ADRB3: variants seen among roughly 807,000 people sequenced by gnomAD.
The protein encoded by ADRB3 is beta-3 adrenergic receptor.
ADRB3 carries 33 observed loss-of-function variants against 23.8 expected under a neutral mutation model. The observed-to-expected ratio is 1.38, with a 90% CI of 1.05 to 1.85. The LOEUF (loss-of-function observed/expected upper bound fraction) is 1.85, where lower values mean the gene tolerates loss of function less well. Among genes scored for constraint, ADRB3 ranks in the 40% most tolerant of loss-of-function variants. ADRB3 has a pLI of 0.00. For synonymous variants in ADRB3, 289 were observed against 273.0 expected (o/e 1.06, Z -0.58); for missense variants, 600 against 579.6 (o/e 1.04, Z -0.36).
rs1045034723 is a variant in ADRB3, at chr8:37,965,468, T to C, written c.1002A>G (p.Leu334=). ...PGPAFLALNW[L]GYANSAFNPL... ...GGTTGAAGGCAGAATTGGCATAACC[T>C]AGCCAGTTCAGGGCAAGGAAAGCCG... The change falls in exon 1 of 2, where the codon CTA becomes CTG. Residue 334 remains leucine (L), a synonymous_variant. Transcript: ENST00000345060. 1.3e-6 allele frequency: 2 copies of C among 1,551,836 alleles called. No individual in the cohort carries two copies. Among genetic ancestry groups the C allele is most frequent in the South Asian group, 1.2e-5 (1 of 84,096 alleles).
At position 37,966,349 on chromosome 8, in the gene ADRB3, C is replaced by G. The variant is rs767619305; in HGVS notation, c.121G>C (p.Gly41Arg). 13 of 1,612,286 alleles carry G rather than the reference C, an allele frequency of 8.1e-6. No homozygotes were observed. In the Admixed American group the frequency reaches 2.0e-4, roughly 25 times the overall value. ...PGVPWEAALAGALLALAVLAT... is the reference protein window; with the variant it reads ...PGVPWEAALARALLALAVLAT... ...AGCACCGCCAGCGCCAGCAGGGCCC[C>G]GGCTAGGGCCGCCTCCCACGGAACC... Residue 41 changes from glycine to arginine, a missense_variant, in exon 1 of 2, where the codon GGG becomes CGG. By Grantham distance (125) the Gly-to-Arg change is moderately radical (BLOSUM62 -2). Transcript: ENST00000345060.
chr8:37,966,292 C>A lies in ADRB3; in HGVS notation c.178G>T (p.Val60Leu), dbSNP rs201389673. 4 of 1,613,746 alleles carry A rather than the reference C, an allele frequency of 2.5e-6. No homozygotes were observed. The highest frequency in any genetic ancestry group is 1.1e-5 in the South Asian group (1 of 91,078). The change falls in exon 1 of 2, where the codon GTG becomes TTG. Residue 60 changes from valine to leucine, a missense_variant. By Grantham distance (32) the Val-to-Leu change is conservative. Transcript: ENST00000345060. ...ATVGGNLLVIVAIAWTPRLQT... is the reference protein window; with the variant it reads ...ATVGGNLLVILAIAWTPRLQT... Reference sequence around the variant, plus strand: ...AGTCTCGGAGTCCAGGCGATGGCCACGATGACCAGCAGGTTGCCTCCCACG... The same window carrying A: ...AGTCTCGGAGTCCAGGCGATGGCCAAGATGACCAGCAGGTTGCCTCCCACG...
rs1318451065 is a variant in ADRB3, at chr8:37,965,753, G to C, written c.717C>G (p.Arg239=). 4 of 1,550,734 alleles carry C rather than the reference G, an allele frequency of 2.6e-6. No individual in the cohort carries two copies. The African/African-American group carries it at 5.5e-5, about 21-fold the overall frequency. The change falls in exon 1 of 2, where the codon CGC becomes CGG. Residue 239 remains arginine (R), a synonymous_variant. Coordinates refer to ENST00000345060, the MANE Select transcript of ADRB3 (RefSeq NM_000025.3). ...VVATRQLRLL[R]GELGRFPPEE... ...CGGGCGGAAAGCGGCCCAGCTCCCCGCGCAGCAAGCGCAGCTGGCGCGTAG... is the reference window on the plus strand; with the variant it reads ...CGGGCGGAAAGCGGCCCAGCTCCCCCCGCAGCAAGCGCAGCTGGCGCGTAG...
In ADRB3 at chr8:37,964,179, G is replaced by A. The variant is rs1808253442; in HGVS notation, c.*39C>T. The A allele has an allele frequency of 6.2e-7, 1 of 1,600,436 alleles. No homozygotes were observed. Among genetic ancestry groups the A allele is most frequent in the Non-Finnish European group, 8.6e-7 (1 of 1,167,914 alleles). Reference sequence around the variant, plus strand: ...AACAGAGGCCAGAGGTTTTCCACAGGTTCTGATCAACAGAGTTGTTGCTTC... The same window carrying A: ...AACAGAGGCCAGAGGTTTTCCACAGATTCTGATCAACAGAGTTGTTGCTTC... On this transcript the variant is annotated 3_prime_UTR_variant, in exon 2 of 2. Transcript: ENST00000345060.
chr8:37,964,266 C>A (rs764102151), intron 1 of ADRB3, 27 bp from the exon 2 acceptor site: 3 of 1,608,854 alleles, frequency 1.9e-6, no homozygotes, highest in Admixed American at 1.7e-5. Flanking sequence ...AGATAATAGA[C>A]CCTGGGGTGA....
Position 37,965,287 on chromosome 8 carries a change from T to A in ADRB3, c.1183A>T (p.Arg395Trp), listed in dbSNP as rs1808274353. 6.6e-7 allele frequency: 1 copy of A among 1,522,844 alleles called. No individual in the cohort carries two copies. The highest frequency in any genetic ancestry group is 1.4e-5 in the African/African-American group (1 of 70,242). The allele number at this position is 1,522,844 out of a possible 1,614,324, so 94.3% of individuals were successfully genotyped here. A position where few individuals can be genotyped will look rare whatever the true frequency, so the allele number is the denominator to read the frequency against. The change falls in exon 1 of 2, where the codon AGG becomes TGG. Residue 395 changes from arginine (R) to tryptophan (W), a missense_variant. Arg to Trp is a moderately radical substitution (Grantham distance 101). Transcript: ENST00000345060. ...TACCCGTCGAGCCGTTGGCAAAGCC[T>A]GGGCTGCGCTGGGCTGCTCCGGGCC... ...PAARSSPAQP[R>W]LCQRLDGASW...
chr8:37,963,414 T>C lies in ADRB3; in HGVS notation c.*804A>G, dbSNP rs2130307478. The C allele has an allele frequency of 1.3e-5, 2 of 152,314 alleles. 1 individual carries two copies. The highest frequency in any genetic ancestry group is 4.1e-4 in the South Asian group (2 of 4,822). 9.4% of individuals were successfully genotyped at this position (152,314 alleles called of 1,614,324 possible). On this transcript the variant is annotated 3_prime_UTR_variant, in exon 2 of 2. Transcript: ENST00000345060. ...CTCACTCCCCTTCGTCCAGACAGAC[T>C]TTTCATTTTTTGTTTGATGAAGATT... is the stretch of plus-strand genomic sequence containing the variant.
At position 37,966,236 on chromosome 8, in the gene ADRB3, C is replaced by A. The variant is rs1186847478; in HGVS notation, c.234G>T (p.Ser78=). The A allele has an allele frequency of 4.3e-6, 7 of 1,613,360 alleles. No homozygotes were observed. Among genetic ancestry groups the A allele is most frequent in the Non-Finnish European group, 5.9e-6 (7 of 1,179,786 alleles). ...LQTMTNVFVT[S]LAAADLVMGL... ...CCATCACCAGGTCGGCTGCGGCCAG[C>A]GAAGTCACGAACACGTTGGTCATGG... The change falls in exon 1 of 2, where the codon TCG becomes TCT. Residue 78 remains serine, a synonymous_variant. Coordinates refer to ENST00000345060, the MANE Select transcript of ADRB3 (RefSeq NM_000025.3).
chr8:37,963,042 C>G lies in ADRB3; in HGVS notation c.*1176G>C, dbSNP rs1326671609. ...AAGAGGATAATACAGATTTTTGTAGCTGGGGAAGGTGAGTGGGAAGGTAGA... is the reference window on the plus strand; with the variant it reads ...AAGAGGATAATACAGATTTTTGTAGGTGGGGAAGGTGAGTGGGAAGGTAGA... On this transcript the variant is annotated 3_prime_UTR_variant, in exon 2 of 2. Coordinates refer to ENST00000345060, the MANE Select transcript of ADRB3 (RefSeq NM_000025.3). 1 of 151,994 alleles carries G rather than the reference C, an allele frequency of 6.6e-6. No individual in the cohort carries two copies. The highest frequency in any genetic ancestry group is 2.4e-5 in the African/African-American group (1 of 41,372). 9.4% of individuals were successfully genotyped at this position (151,994 alleles called of 1,614,324 possible).
In ADRB3 at chr8:37,965,295, G is replaced by A. The variant is rs1000149764; in HGVS notation, c.1175C>T (p.Ala392Val). 3 of 1,540,820 alleles carry A rather than the reference G, an allele frequency of 1.9e-6. No individual in the cohort carries two copies. The highest frequency in any genetic ancestry group is 2.6e-6 in the Non-Finnish European group (3 of 1,151,806). The change falls in exon 1 of 2, where the codon GCG (alanine) becomes GTG (valine). Residue 392 changes from alanine (A) to valine (V), a missense_variant. Physicochemically the swap from Ala to Val is moderately conservative, Grantham distance 64. Coordinates refer to ENST00000345060, the MANE Select transcript of ADRB3 (RefSeq NM_000025.3). ...SGVPAARSSP[A>V]QPRLCQRLDG... ...GAGCCGTTGGCAAAGCCTGGGCTGC[G>A]CTGGGCTGCTCCGGGCCGCAGGAAC... is the stretch of plus-strand genomic sequence containing the variant.
chr8:37,965,057 G>A (rs1014102406), intron 1 of ADRB3: 1 of 513,752 alleles, frequency 1.9e-6, no homozygotes, highest in Non-Finnish European at 3.3e-6. Flanking sequence ...CGGCCCGCTC[G>A]CCCTCCTTTG....
Position 37,964,035 on chromosome 8 carries a change from A to G in ADRB3, c.*183T>C. The G allele has an allele frequency of 3.5e-6, 2 of 578,666 alleles. No individual in the cohort carries two copies. Among genetic ancestry groups the G allele is most frequent in the Non-Finnish European group, 6.3e-6 (2 of 319,420 alleles). The allele number at this position is 578,666 out of a possible 1,614,324, so 35.8% of individuals were successfully genotyped here. ...GGTTTAGAAAACATCTCTCAGACAG[A>G]GAGCAAGAGGATGGTGAAAACCCAC... On this transcript the variant is annotated 3_prime_UTR_variant, in exon 2 of 2. Transcript: ENST00000345060.
chr8:37,965,814 A>T lies in ADRB3; in HGVS notation c.656T>A (p.Val219Glu). 1 of 1,552,764 alleles carries T rather than the reference A, an allele frequency of 6.4e-7. No individual in the cohort carries two copies. Among genetic ancestry groups the T allele is most frequent in the Non-Finnish European group, 8.7e-7 (1 of 1,147,428 alleles). Residue 219 changes from valine to glutamate, a missense_variant, in exon 1 of 2, where the codon GTG (valine) becomes GAG (glutamate). By Grantham distance (121) the Val-to-Glu change is moderately radical. Transcript: ENST00000345060. The stretch of plus-strand genomic sequence containing the variant: ...AACCCGCGCGTAGACGAAGAGCATC[A>T]CGAGAAGAGGAAGGTAGAAGGAGAC... ...SSVSFYLPLL[V>E]MLFVYARVFV...
chr8:37,965,639 C>A lies in ADRB3; in HGVS notation c.831G>T (p.Arg277=). 6.5e-7 allele frequency: 1 copy of A among 1,530,306 alleles called. No homozygotes were observed. Among genetic ancestry groups the A allele is most frequent in the Non-Finnish European group, 8.8e-7 (1 of 1,139,402 alleles). 94.8% of individuals were successfully genotyped at this position (1,530,306 alleles called of 1,614,324 possible). ...APPEGVPACG[R]RPARLLPLRE... ...GGAGAGGCAGGAGGCGCGCGGGCCG[C>A]CGGCCGCAGGCGGGCACCCCTTCGG... The change falls in exon 1 of 2, where the codon CGG becomes CGT. Residue 277 remains arginine, a synonymous_variant. Transcript: ENST00000345060.
Position 37,965,311 on chromosome 8 carries a change from C to T in ADRB3, c.1159G>A (p.Ala387Thr). 6.5e-7 allele frequency: 1 copy of T among 1,543,362 alleles called. No individual in the cohort carries two copies. Among genetic ancestry groups the T allele is most frequent in the East Asian group, 2.4e-5 (1 of 41,904 alleles). Residue 387 changes from alanine (A) to threonine (T), a missense_variant, in exon 1 of 2, where the codon GCC becomes ACC. Ala to Thr is a moderately conservative substitution (Grantham distance 58, BLOSUM62 0). Transcript: ENST00000345060. ...PALFPSGVPA[A>T]RSSPAQPRLC... Reference sequence around the variant, plus strand: ...CTGGGCTGCGCTGGGCTGCTCCGGGCCGCAGGAACGCCCGAGGGGAAGAGG... The same window carrying T: ...CTGGGCTGCGCTGGGCTGCTCCGGGTCGCAGGAACGCCCGAGGGGAAGAGG...
Position 37,965,432 on chromosome 8 carries a change from G to A in ADRB3, c.1038C>T (p.Tyr346=), listed in dbSNP as rs1310850804. Residue 346 remains tyrosine (Y), a synonymous_variant, in exon 1 of 2, where the codon TAC becomes TAT. Transcript: ENST00000345060. The stretch of plus-strand genomic sequence containing the variant: ...CGCTGCGAAAGTCCGGGCTGCGGCA[G>A]TAGATGAGCGGGTTGAAGGCAGAAT... ...YANSAFNPLI[Y]CRSPDFRSAF... is the part of the protein sequence containing the mutation. The A allele has an allele frequency of 1.3e-6, 2 of 1,550,480 alleles. No individual in the cohort carries two copies. Among genetic ancestry groups the A allele is most frequent in the Admixed American group, 2.0e-5 (1 of 50,972 alleles).
chr8:37,965,138 C>G lies in ADRB3; in HGVS notation c.1205+127G>C, dbSNP rs955950428. On this transcript the variant is annotated intron_variant, in intron 1 of 1. Coordinates refer to ENST00000345060, the MANE Select transcript of ADRB3 (RefSeq NM_000025.3). ...CCATTTTGGTTCGCTACTCCTCGTT[C>G]CCTTTTCTCTCCAAGCAAAGCCATC... 1.3e-5 allele frequency: 13 copies of G among 1,018,780 alleles called. No homozygotes were observed. The African/African-American group carries it at 2.2e-4, about 18-fold the overall frequency. The allele number at this position is 1,018,780 out of a possible 1,614,324, so 63.1% of individuals were successfully genotyped here. A position where few individuals can be genotyped will look rare whatever the true frequency, so the allele number is the denominator to read the frequency against.
At position 37,965,722 on chromosome 8, in the gene ADRB3, A is replaced by G; in HGVS notation, c.748T>C (p.Ser250Pro). ...GELGRFPPEE[S>P]PPAPSRSLAP... Reference sequence around the variant, plus strand: ...AGAGAGCGCGACGGCGCCGGCGGAGACTCCTCGGGCGGAAAGCGGCCCAGC... The same window carrying G: ...AGAGAGCGCGACGGCGCCGGCGGAGGCTCCTCGGGCGGAAAGCGGCCCAGC... Residue 250 changes from serine (S) to proline (P), a missense_variant, in exon 1 of 2, where the codon TCT (serine) becomes CCT (proline). Transcript: ENST00000345060. 6.5e-7 allele frequency: 1 copy of G among 1,547,516 alleles called. No homozygotes were observed. Among genetic ancestry groups the G allele is most frequent in the Middle Eastern group, 1.7e-4 (1 of 5,868 alleles).
chr8:37,965,828 G>A lies in ADRB3; in HGVS notation c.642C>T (p.Tyr214=). ...CGAAGAGCATCACGAGAAGAGGAAGGTAGAAGGAGACGGAGGAGGACAGCA... is the reference window on the plus strand; with the variant it reads ...CGAAGAGCATCACGAGAAGAGGAAGATAGAAGGAGACGGAGGAGGACAGCA... The part of the protein sequence containing the change: ...YVLLSSSVSF[Y]LPLLVMLFVY... Residue 214 remains tyrosine (Y), a synonymous_variant, in exon 1 of 2, where the codon TAC becomes TAT. Transcript: ENST00000345060. The A allele has an allele frequency of 1.9e-6, 3 of 1,553,200 alleles. No homozygotes were observed. Among genetic ancestry groups the A allele is most frequent in the Non-Finnish European group, 1.7e-6 (2 of 1,147,670 alleles).
Sources: gnomAD v4.1 joint callset for allele counts on GRCh38, gnomAD v4.1.1 for gene constraint, MANE v1.5 for transcripts, NCBI Gene and HGNC (gene_info 2026-07-23, HGNC 2026-07-21) for gene names.